Variants in ZDHHC21 observed in about 807,000 individuals in gnomAD.
ZDHHC21 encodes zDHHC palmitoyltransferase 21, also known as palmitoyltransferase ZDHHC21.
In ZDHHC21, 15 loss-of-function variants were observed where a neutral mutation model predicts 34.6. That is an observed-to-expected ratio of 0.43 (90% CI 0.29 to 0.67). The LOEUF (loss-of-function observed/expected upper bound fraction) is 0.67. Among genes scored for constraint, ZDHHC21 ranks in the 30% least tolerant of loss-of-function variants. The probability of loss-of-function intolerance (pLI) is 0.14; values close to 1 mark genes in which losing one functional copy is unlikely to be tolerated. For missense variants in ZDHHC21, 344 were observed against 327.7 expected (o/e 1.05, Z -0.38); for synonymous variants, 142 against 101.8 (o/e 1.40, Z -2.38).
chr9:14,689,407 A>T (rs768840208), intron 2 of ZDHHC21, among the ~76,000 whole-genome samples: 6 of 152,236 alleles, frequency 3.9e-5, no homozygotes, highest in Admixed American at 6.5e-5. Flanking sequence ...GTTTTCCAGG[A>T]AGACTTTGTA....
chr9:14,607,190 TATC>T (rs141864484), downstream of ZDHHC21, among the ~76,000 whole-genome samples: 6,485 of 151,922 alleles, frequency 0.043, 446 homozygotes, highest in African/African-American at 0.15. Flanking sequence ...GGCTCATGCC[TATC>T]ATCAAGCAGT....
intron 7 of ZDHHC21, among the ~76,000 whole-genome samples, chr9:14,654,548 G>A (rs1049116945): frequency 3.3e-5 from 5 of 151,924 alleles, no homozygotes; most frequent in Middle Eastern, 3.4e-3. Context: ...CAACAGAAAC[G>A]GACCCACAAG....
the ZDHHC21 span, among the ~76,000 whole-genome samples, chr9:14,595,066 T>C: frequency 2.0e-5 from 3 of 152,186 alleles, no homozygotes; most frequent in South Asian, 6.2e-4. Context: ...ACATTTCTAG[T>C]AGTCAGGTAA....
intron 7 of ZDHHC21, among the ~76,000 whole-genome samples, chr9:14,656,593 G>A (rs1157770581): frequency 6.6e-6 from 1 of 151,832 alleles, no homozygotes; most frequent in African/African-American, 2.4e-5. Context: ...TAATATGGTG[G>A]TAATTATAAA....
At chr9:14,590,371 C>T in the ZDHHC21 span, among the ~76,000 whole-genome samples, 1 of 151,896 alleles carries the variant, frequency 6.6e-6, no homozygotes, top group East Asian at 1.9e-4. Flanking sequence ...GTTATAACAA[C>T]CAAAGTTTTC....
intron 7 of ZDHHC21, among the ~76,000 whole-genome samples, chr9:14,654,405 A>AG (rs1225244036): frequency 1.3e-5 from 2 of 151,814 alleles, no homozygotes; most frequent in African/African-American, 4.8e-5. Context: ...ATCAAAAAAA[A>AG]AGAGTAAATC....
intron 8 of ZDHHC21, among the ~76,000 whole-genome samples, chr9:14,620,464 G>C (rs1198531055): frequency 6.6e-6 from 1 of 151,976 alleles, no homozygotes; most frequent in Non-Finnish European, 1.5e-5. Context: ...TTTTGAAACA[G>C]TGCAAAAGAG....
the ZDHHC21 span, among the ~76,000 whole-genome samples, chr9:14,595,616 T>C: frequency 6.6e-6 from 1 of 152,156 alleles, no homozygotes; most frequent in Non-Finnish European, 1.5e-5. Context: ...TTTTAAGGCA[T>C]GTAAGTAACA....
intron 5 of ZDHHC21, 127 bp from the exon 6 acceptor site, chr9:14,662,453 C>A: frequency 4.6e-6 from 3 of 649,658 alleles, no homozygotes; most frequent in Non-Finnish European, 7.7e-6. Flanking sequence ...TTCTTCTAAG[C>A]CTTTGGTATA....
At chr9:14,599,494 T>G in the ZDHHC21 span, among the ~76,000 whole-genome samples, 1 of 151,858 alleles carries the variant, frequency 6.6e-6, no homozygotes, top group East Asian at 1.9e-4. Context: ...ACCAGGGCCC[T>G]GGGTTTCAAG....
chr9:14,640,061 G>T, intron 7 of ZDHHC21, 49 bp from the exon 8 acceptor site: 1 of 951,740 alleles, frequency 1.1e-6, no homozygotes, highest in Non-Finnish European at 1.6e-6. Context: ...TGCTTACATT[G>T]CTTACAGTCG....
At chr9:14,676,404 A>G (rs1432249004) in intron 3 of ZDHHC21, among the ~76,000 whole-genome samples, 3 of 151,986 alleles carry the variant, frequency 2.0e-5, no homozygotes, top group African/African-American at 7.2e-5. Context: ...AAAGCTATAA[A>G]GCTACTGAAA....
chr9:14,606,041 G>C, the ZDHHC21 span, among the ~76,000 whole-genome samples: 3 of 152,084 alleles, frequency 2.0e-5, no homozygotes, highest in African/African-American at 7.2e-5. Flanking sequence ...TCTTGATTTA[G>C]GAAAGACCTT....
chr9:14,663,470 T>G (rs1052182716), intron 5 of ZDHHC21, among the ~76,000 whole-genome samples: 3 of 151,090 alleles, frequency 2.0e-5, no homozygotes, highest in Admixed American at 6.6e-5. Flanking sequence ...ATATTCAATT[T>G]TCTTTTTTTT....
intron 1 of ZDHHC21, among the ~76,000 whole-genome samples, chr9:14,692,750 C>T (rs1839341477): frequency 6.6e-6 from 1 of 152,048 alleles, no homozygotes; most frequent in African/African-American, 2.4e-5. Flanking sequence ...AACTGTTTGT[C>T]CTCTCTGCAG....
At chr9:14,647,167 G>T (rs912922581) in intron 7 of ZDHHC21, among the ~76,000 whole-genome samples, 1 of 151,648 alleles carries the variant, frequency 6.6e-6, no homozygotes, top group African/African-American at 2.4e-5. Context: ...AGGAGGAGAG[G>T]GTCACTCTCA....
At chr9:14,664,172 C>G (rs952059322) in intron 5 of ZDHHC21, among the ~76,000 whole-genome samples, 2 of 151,342 alleles carry the variant, frequency 1.3e-5, no homozygotes, top group African/African-American at 4.8e-5. Context: ...CGAGCCGAAG[C>G]AGGGCGAGGC....
intron 2 of ZDHHC21, among the ~76,000 whole-genome samples, chr9:14,684,459 C>G (rs1837948252): frequency 6.9e-6 from 1 of 145,298 alleles, no homozygotes; most frequent in Admixed American, 6.9e-5. Context: ...ACAATTGCCT[C>G]AAAGAGAATA....
the ZDHHC21 span, among the ~76,000 whole-genome samples, chr9:14,596,893 G>C: frequency 1.3e-5 from 2 of 152,148 alleles, no homozygotes; most frequent in African/African-American, 2.4e-5. Context: ...CAGCAGGGCA[G>C]TGTCAGAGAA....
Sources: gnomAD v4.1 joint callset for allele counts (sites outside exome capture counted in the v4.1 genomes callset) on GRCh38, gnomAD v4.1.1 for gene constraint, MANE v1.5 for transcripts, NCBI Gene and HGNC (gene_info 2026-07-23, HGNC 2026-07-21) for gene names.